The following ADAMTS2 variants were observed in gnomAD, a reference collection of about 807,000 sequenced individuals.
The protein encoded by ADAMTS2 is ADAM metallopeptidase with thrombospondin type 1 motif 2, also known as A disintegrin and metalloproteinase with thrombospondin motifs 2.
ADAMTS2 carries 50 observed loss-of-function variants against 123.0 expected under a neutral mutation model. The observed-to-expected ratio is 0.41, with a 90% CI of 0.32 to 0.51. The LOEUF (loss-of-function observed/expected upper bound fraction) is 0.51, where lower values mean the gene tolerates loss of function less well. ADAMTS2 is among the 20% of genes least tolerant of loss of function. The pLI is 0.35. For synonymous variants in ADAMTS2, 678 were observed against 695.4 expected (o/e 0.98, Z 0.39); for missense variants, 1,494 against 1,705.2 (o/e 0.88, Z 2.18).
At chr5:179,190,722 G>A (rs1764285336) in intron 4 of ADAMTS2, among the ~76,000 whole-genome samples, 1 of 152,246 alleles carries the variant, frequency 6.6e-6, no homozygotes, top group South Asian at 2.1e-4. Flanking sequence ...CCAGCACCTA[G>A]TACAGGCTGA....
intron 2 of ADAMTS2, among the ~76,000 whole-genome samples, chr5:179,326,719 C>G (rs1307871849): frequency 6.6e-6 from 1 of 152,078 alleles, no homozygotes; most frequent in Admixed American, 6.5e-5. Flanking sequence ...CAGCTTTTAC[C>G]TTTCACAGAT....
At position 179,129,856 on chromosome 5, in the gene ADAMTS2, A is replaced by G; in HGVS notation, c.2457+76T>C. ...TGTCACCTGAAGGGTCAGGAGGCTC[A>G]GCGTCCCAGGCACCCCCATCCCTCC... is the stretch of plus-strand genomic sequence containing the variant. On this transcript the variant is annotated intron_variant, in intron 16 of 21. Coordinates refer to ENST00000251582, the MANE Select transcript of ADAMTS2 (RefSeq NM_014244.5). This position sits in a 1 kb window ranked among gnomAD's most constrained non-coding sequence, Gnocchi z 4.1. The G allele has an allele frequency of 6.3e-7, 1 of 1,585,974 alleles. No homozygotes were observed. Among genetic ancestry groups the G allele is most frequent in the East Asian group, 2.2e-5 (1 of 44,626 alleles).
chr5:179,302,702 G>A (rs540239121), intron 2 of ADAMTS2, among the ~76,000 whole-genome samples: 16 of 152,056 alleles, frequency 1.1e-4, no homozygotes, highest in Non-Finnish European at 2.4e-4. Context: ...CAGCCGTGAG[G>A]ACAACAGCAC....
At chr5:179,124,602 C>G (rs1762819106) in intron 19 of ADAMTS2, among the ~76,000 whole-genome samples, 1 of 152,260 alleles carries the variant, frequency 6.6e-6, no homozygotes, top group Non-Finnish European at 1.5e-5. Flanking sequence ...TAGTACAGCA[C>G]TGACCACGTG....
intron 3 of ADAMTS2, among the ~76,000 whole-genome samples, chr5:179,220,875 G>A (rs1424192252): frequency 2.6e-5 from 4 of 152,202 alleles, no homozygotes; most frequent in Non-Finnish European, 5.9e-5. Flanking sequence ...CCCCTGGGAA[G>A]AGCTTGCAGC....
intron 6 of ADAMTS2, among the ~76,000 whole-genome samples, chr5:179,157,919 C>T (rs1396709865): frequency 1.3e-5 from 2 of 151,804 alleles, no homozygotes; most frequent in African/African-American, 4.8e-5. Context: ...AAATGTGCTA[C>T]TATTTATCAG....
rs1222118386 is a variant in ADAMTS2, at chr5:179,225,708, G to A, written c.689-17993C>T. Among the ~76,000 whole-genome samples the A allele has an allele frequency of 6.6e-6, 1 of 152,214 alleles. No individual in the cohort carries two copies. Among genetic ancestry groups the A allele is most frequent in the Non-Finnish European group, 1.5e-5 (1 of 68,028 alleles). On this transcript the variant is annotated intron_variant, in intron 3 of 21. Coordinates refer to ENST00000251582, the MANE Select transcript of ADAMTS2 (RefSeq NM_014244.5). This position sits in a 1 kb window ranked among gnomAD's most constrained non-coding sequence, Gnocchi z 4.5. ...GTCAGAGGAGAGCCCAGGCTGCTTA[G>A]CGGCCCGACTCCAGGGAAAGCCCTT...
chr5:179,302,600 G>T (rs1460273532), intron 2 of ADAMTS2, among the ~76,000 whole-genome samples: 1 of 151,944 alleles, frequency 6.6e-6, no homozygotes, highest in Non-Finnish European at 1.5e-5. Context: ...ATTCACATTT[G>T]CGACCTGTGG....
In ADAMTS2 at chr5:179,170,499, TG is replaced by T. The variant is rs1763794157; in HGVS notation, c.975+10572del. On this transcript the variant is annotated intron_variant, in intron 5 of 21. Coordinates refer to ENST00000251582, the MANE Select transcript of ADAMTS2 (RefSeq NM_014244.5). The surrounding 1 kb of genome is among the most constrained non-coding windows in gnomAD (Gnocchi z 4.3). ...GCCTCATTCCTTGACGGGAAGCCTGTGGTTCCTTGAAGAGCAGCTCATCAGA... is the reference window on the plus strand; with the variant it reads ...GCCTCATTCCTTGACGGGAAGCCTGTGTTCCTTGAAGAGCAGCTCATCAGA... Among the ~76,000 whole-genome samples the T allele has an allele frequency of 6.6e-6, 1 of 152,084 alleles. No individual in the cohort carries two copies.
At chr5:179,123,865 C>T (rs532806342) in intron 19 of ADAMTS2, among the ~76,000 whole-genome samples, 56 of 152,368 alleles carry the variant, frequency 3.7e-4, no homozygotes, top group Non-Finnish European at 6.2e-4. Context: ...TTCATACCAA[C>T]AGTGATGGAT....
rs1259910457 is a variant in ADAMTS2 at position 179,132,141 on chromosome 5, C to T, written c.2290+89G>A. Reference sequence around the variant, plus strand: ...TCAGGTCATGGCTGCACAACCCGGGCCCCTGACCCCTGACCCCTGGCACTC... The same window carrying T: ...TCAGGTCATGGCTGCACAACCCGGGTCCCTGACCCCTGACCCCTGGCACTC... On this transcript the variant is annotated intron_variant, in intron 15 of 21. Transcript: ENST00000251582. This position sits in a 1 kb window ranked among gnomAD's most constrained non-coding sequence, Gnocchi z 6.1. The T allele has an allele frequency of 5.3e-6, 7 of 1,311,862 alleles. No homozygotes were observed. In the East Asian group the frequency reaches 1.2e-4, roughly 22 times the overall value. 81.3% of individuals were successfully genotyped at this position (1,311,862 alleles called of 1,614,324 possible).
chr5:179,184,509 T>TAAAAAAAA (rs554713153), intron 4 of ADAMTS2, among the ~76,000 whole-genome samples: 1 of 91,404 alleles, frequency 1.1e-5, no homozygotes. Flanking sequence ...AGACTCTGTC[T>TAAAAAAAA]AAAAAAAAAA....
chr5:179,322,124 T>C (rs1757199834), intron 2 of ADAMTS2, among the ~76,000 whole-genome samples: 1 of 152,172 alleles, frequency 6.6e-6, no homozygotes, highest in Non-Finnish European at 1.5e-5. Flanking sequence ...GGGATTTCCA[T>C]TTTCTCCTTT....
At chr5:179,259,873 G>A (rs1299097994) in intron 3 of ADAMTS2, among the ~76,000 whole-genome samples, 1 of 152,232 alleles carries the variant, frequency 6.6e-6, no homozygotes, top group Non-Finnish European at 1.5e-5. Flanking sequence ...ACAGCTCCAT[G>A]AGACCACAGG....
intron 3 of ADAMTS2, among the ~76,000 whole-genome samples, chr5:179,240,266 A>C (rs549794547): frequency 6.6e-6 from 1 of 152,206 alleles, no homozygotes; most frequent in Non-Finnish European, 1.5e-5. Context: ...AGCAGGGCTG[A>C]GCTTTGTTCA....
chr5:179,296,653 G>T (rs185459937), intron 2 of ADAMTS2, among the ~76,000 whole-genome samples: 95 of 152,256 alleles, frequency 6.2e-4, no homozygotes, highest in Non-Finnish European at 1.1e-3. Context: ...GGTCCCCAGG[G>T]GCGGCCTGGG....
chr5:179,128,711 A>G lies in ADAMTS2; in HGVS notation c.2458-593T>C, dbSNP rs2113197370. Among the ~76,000 whole-genome samples, 1 of 152,236 alleles carries G rather than the reference A, an allele frequency of 6.6e-6. No homozygotes were observed. Among genetic ancestry groups the G allele is most frequent in the African/African-American group, 2.4e-5 (1 of 41,558 alleles). ...CCTGGCCTATGTGTGAGTCTGTTTA[A>G]AGACACTTTATTTAATTTTTACTGT... On this transcript the variant is annotated intron_variant, in intron 16 of 21. Transcript: ENST00000251582. The surrounding 1 kb of genome is among the most constrained non-coding windows in gnomAD (Gnocchi z 4.9).
intron 3 of ADAMTS2, among the ~76,000 whole-genome samples, chr5:179,233,751 C>T (rs1379648470): frequency 6.6e-6 from 1 of 152,164 alleles, no homozygotes; most frequent in Non-Finnish European, 1.5e-5. Flanking sequence ...ACACACACTA[C>T]ACTGACTACA....
At position 179,299,352 on chromosome 5, in the gene ADAMTS2, A is replaced by G. The variant is rs1469912135; in HGVS notation, c.535-26288T>C. Among the ~76,000 whole-genome samples, 18 of 7,784 alleles carry G rather than the reference A, an allele frequency of 2.3e-3. 2 individuals carry two copies. Among genetic ancestry groups the G allele is most frequent in the African/African-American group, 4.1e-3 (18 of 4,388 alleles). 5.1% of individuals were successfully genotyped at this position (7,784 alleles called of 152,430 possible). ...AGACCATCCTGGCTAACACGGTGAA[A>G]TCCTGTCTCTGCTAAATATACAAAA... On this transcript the variant is annotated intron_variant, in intron 2 of 21. Transcript: ENST00000251582.
Sources: allele counts gnomAD v4.1 joint callset (sites outside exome capture counted in the v4.1 genomes callset), GRCh38; gene constraint gnomAD v4.1.1; non-coding constraint Gnocchi (gnomAD v3.1); transcripts MANE v1.5; gene names NCBI Gene and HGNC (gene_info 2026-07-23, HGNC 2026-07-21).